The following C2 variants were observed in gnomAD, a reference collection of about 807,000 sequenced individuals.
C2 encodes complement C2.
In C2, 64 loss-of-function variants were observed where a neutral mutation model predicts 85.2. That is an observed-to-expected ratio of 0.75 (90% CI 0.61 to 0.92). The LOEUF is 0.92. Ranked by LOEUF, C2 falls within the 40% of genes least tolerant of loss-of-function variation. The pLI is 0.00. For missense variants in C2, 820 were observed against 971.6 expected (o/e 0.84, Z 2.07); for synonymous variants, 311 against 370.8 (o/e 0.84, Z 1.85).
upstream of C2, among the ~76,000 whole-genome samples, chr6:31,927,186 T>C (rs973304716): frequency 1.3e-5 from 2 of 152,340 alleles, 1 homozygote; most frequent in Middle Eastern, 6.8e-3. The surrounding 1 kb of genome is among the most constrained non-coding windows in gnomAD (Gnocchi z 4.7). Flanking sequence ...TATCAAGAAG[T>C]TCTAAAAAAA....
At chr6:31,930,648 T>C (rs1253980607) in intron 3 of C2, among the ~76,000 whole-genome samples, 3 of 152,158 alleles carry the variant, frequency 2.0e-5, no homozygotes, top group Non-Finnish European at 2.9e-5. Context: ...TCATGGTTCT[T>C]AGCACATCAT....
At chr6:31,914,042 C>T (rs892613870) in intron 1 of C2, among the ~76,000 whole-genome samples, 2 of 151,910 alleles carry the variant, frequency 1.3e-5, no homozygotes, top group Non-Finnish European at 2.9e-5. Flanking sequence ...CTGCCTCAGC[C>T]TCCCAAGTAG....
chr6:31,923,083 G>A (rs1472323159), upstream of C2, among the ~76,000 whole-genome samples: 1 of 152,162 alleles, frequency 6.6e-6, no homozygotes, highest in Non-Finnish European at 1.5e-5. Context: ...GGTTACATTT[G>A]CTGGGCTTTT....
chr6:31,933,581 C>G (rs1211275810), intron 3 of C2, 29 bp from the exon 4 acceptor site: 1 of 1,611,798 alleles, frequency 6.2e-7, no homozygotes, highest in South Asian at 1.1e-5. Context: ...GGGGGCTACT[C>G]ACCTCTGCCT....
In C2 at chr6:31,935,946, G is replaced by A. The variant is rs1040463991; in HGVS notation, c.873G>A (p.Val291=). 1.2e-6 allele frequency: 2 copies of A among 1,612,888 alleles called. No homozygotes were observed. The highest frequency in any genetic ancestry group is 1.7e-6 in the Non-Finnish European group (2 of 1,180,024). The stretch of plus-strand genomic sequence containing the variant: ...AGATCTTCAGCTTTGAGATCAATGT[G>A]AGCGTTGCCATTATCACCTTTGCCT... The part of the protein sequence containing the change: ...VDRIFSFEIN[V]SVAIITFASE... The change falls in exon 7 of 18, where the codon GTG becomes GTA. Residue 291 remains valine, a synonymous_variant. Coordinates refer to ENST00000299367, the MANE Select transcript of C2 (RefSeq NM_000063.6). The surrounding 1 kb of genome is among the most constrained non-coding windows in gnomAD (Gnocchi z 4.3).
chr6:31,934,080 G>A, intron 5 of C2, 86 bp from the exon 6 acceptor site: 1 of 1,571,726 alleles, frequency 6.4e-7, no homozygotes, highest in Non-Finnish European at 8.8e-7. Context: ...CCACTGAAAG[G>A]GAGGGAGGCA....
chr6:31,909,291 T>G (rs1767929815), intron 1 of C2, among the ~76,000 whole-genome samples: 1 of 152,024 alleles, frequency 6.6e-6, no homozygotes, highest in Admixed American at 6.6e-5. Context: ...TGTTAAATTT[T>G]TAACGTATTA....
At chr6:31,939,552 C>G (rs1343614579) in intron 9 of C2, among the ~76,000 whole-genome samples, 1 of 146,422 alleles carries the variant, frequency 6.8e-6, no homozygotes, top group Non-Finnish European at 1.5e-5. Flanking sequence ...CTCACTGACA[C>G]TCAGAGTATA....
At chr6:31,924,286 C>T (rs1419988485), upstream of C2, among the ~76,000 whole-genome samples, 2 of 152,160 alleles carry the variant, frequency 1.3e-5, no homozygotes, top group Non-Finnish European at 2.9e-5. Context: ...TTGTTATAAC[C>T]AAGCTAGAAT....
chr6:31,934,376 G>C, intron 6 of C2, 77 bp downstream of exon 6: 1 of 1,592,852 alleles, frequency 6.3e-7, no homozygotes, highest in Non-Finnish European at 8.6e-7. Flanking sequence ...CCCCTCCTCA[G>C]AACCCCACTC....
rs1023132703 is a variant in C2 at position 31,945,547 on chromosome 6, G to A, written c.*190G>A. The A allele has an allele frequency of 6.3e-6, 4 of 635,148 alleles. No homozygotes were observed. Among genetic ancestry groups the A allele is most frequent in the African/African-American group, 1.8e-5 (1 of 55,302 alleles). 39.3% of individuals were successfully genotyped at this position (635,148 alleles called of 1,614,324 possible). A position where few individuals can be genotyped will look rare whatever the true frequency, so the allele number is the denominator to read the frequency against. On this transcript the variant is annotated 3_prime_UTR_variant, in exon 18 of 18. Transcript: ENST00000299367. This position sits in a 1 kb window ranked among gnomAD's most constrained non-coding sequence, Gnocchi z 5.3. ...GGGCTCCTACCAGCAGGACTGCCTC[G>A]CTGCCCCACCTCCCGCTCCTTGGCC...
intron 1 of C2, among the ~76,000 whole-genome samples, chr6:31,903,170 C>A (rs1767488791): frequency 6.6e-6 from 1 of 152,248 alleles, no homozygotes. Flanking sequence ...CCACTGTTTC[C>A]TGCCAATTGG....
chr6:31,901,343 C>T (rs778646997), intron 1 of C2: 4 of 1,575,276 alleles, frequency 2.5e-6, no homozygotes, highest in Non-Finnish European at 3.5e-6. Context: ...GGAAGGAAAC[C>T]GGTCAGAGAC....
rs901335409 is a variant in C2, at chr6:31,928,305, A to C, written c.256+141A>C. ...CAGAGGGCTTTTCAAAATATCCAGA[A>C]AATGTCAATTGCCAGTAGCAAGGAA... On this transcript the variant is annotated intron_variant, in intron 2 of 17. Coordinates refer to ENST00000299367, the MANE Select transcript of C2 (RefSeq NM_000063.6). The C allele has an allele frequency of 1.2e-4, 94 of 757,532 alleles. 1 individual carries two copies. Among genetic ancestry groups the C allele is most frequent in the Admixed American group, 1.6e-4 (8 of 48,652 alleles). 46.9% of individuals were successfully genotyped at this position (757,532 alleles called of 1,614,324 possible).
chr6:31,935,898 G>T lies in C2; in HGVS notation c.850-25G>T. On this transcript the variant is annotated intron_variant, in intron 6 of 17. Transcript: ENST00000299367. The surrounding 1 kb of genome is among the most constrained non-coding windows in gnomAD (Gnocchi z 4.3). Reference sequence around the variant, plus strand: ...CCCCTTTGGCTTCAGGGCCCTTTACGCTGCCTCTCACTTGCCCCGCACAGA... The same window carrying T: ...CCCCTTTGGCTTCAGGGCCCTTTACTCTGCCTCTCACTTGCCCCGCACAGA... 1 of 1,612,092 alleles carries T rather than the reference G, an allele frequency of 6.2e-7. No homozygotes were observed. Among genetic ancestry groups the T allele is most frequent in the Non-Finnish European group, 8.5e-7 (1 of 1,179,836 alleles).
At chr6:31,913,891 G>A (rs2033172980) in intron 1 of C2, among the ~76,000 whole-genome samples, 1 of 151,656 alleles carries the variant, frequency 6.6e-6, no homozygotes, top group Admixed American at 6.6e-5. Context: ...GCCCGCCTTG[G>A]CCTCCAGAAG....
chr6:31,923,784 C>T (rs553504096), upstream of C2, among the ~76,000 whole-genome samples: 6 of 148,224 alleles, frequency 4.0e-5, no homozygotes, highest in African/African-American at 1.0e-4. Flanking sequence ...CCACCGCACC[C>T]GGCCTCTGAG....
intron 2 of C2, 42 bp downstream of exon 2, chr6:31,928,206 G>A (rs1270642442): frequency 1.3e-6 from 2 of 1,553,598 alleles, no homozygotes; most frequent in Non-Finnish European, 1.7e-6. Flanking sequence ...CTACACCAGG[G>A]GCCACCCCAG....
intron 3 of C2, among the ~76,000 whole-genome samples, chr6:31,929,517 G>C (rs1769550142): frequency 6.6e-6 from 1 of 151,498 alleles, no homozygotes; most frequent in Non-Finnish European, 1.5e-5. Context: ...TCAGGAGTTT[G>C]AGACCAGCTT....
Sources: gnomAD v4.1 joint callset for allele counts (sites outside exome capture counted in the v4.1 genomes callset) on GRCh38, gnomAD v4.1.1 for gene constraint, Gnocchi (gnomAD v3.1) non-coding constraint, MANE v1.5 for transcripts, NCBI Gene and HGNC (gene_info 2026-07-23, HGNC 2026-07-21) for gene names.